Variants in PAG1 observed in about 807,000 individuals in gnomAD.
The protein encoded by PAG1 is phosphoprotein associated with glycosphingolipid-enriched microdomains 1.
PAG1 carries 23 observed loss-of-function variants against 31.7 expected under a neutral mutation model. The observed-to-expected ratio is 0.73, with a 90% CI of 0.52 to 1.03. The LOEUF (loss-of-function observed/expected upper bound fraction) is 1.03. PAG1 is among the 50% of genes least tolerant of loss of function. The probability of loss-of-function intolerance (pLI) is 0.00; values close to 1 mark genes in which losing one functional copy is unlikely to be tolerated. For missense variants in PAG1, 473 were observed against 540.7 expected (o/e 0.87, Z 1.24); for synonymous variants, 214 against 210.3 (o/e 1.02, Z -0.15).
At position 80,985,326 on chromosome 8, in the gene PAG1, T is replaced by A; in HGVS notation, c.326A>T (p.Gln109Leu). ...ATCCAGCAGATCCGAGGCCGATGTCTGGACTTCCTCGTAATGCTGCATGCA... is the reference window on the plus strand; with the variant it reads ...ATCCAGCAGATCCGAGGCCGATGTCAGGACTTCCTCGTAATGCTGCATGCA... ...LTCMQHYEEVQTSASDLLDSQ... is the reference protein window; with the variant it reads ...LTCMQHYEEVLTSASDLLDSQ... Residue 109 changes from glutamine to leucine, a missense_variant, in exon 7 of 9, where the codon CAG (glutamine) becomes CTG (leucine). Coordinates refer to ENST00000220597, the MANE Select transcript of PAG1 (RefSeq NM_018440.4). 1 of 1,614,158 alleles carries A rather than the reference T, an allele frequency of 6.2e-7. No homozygotes were observed. The highest frequency in any genetic ancestry group is 1.1e-5 in the South Asian group (1 of 91,060).
intron 1 of PAG1, among the ~76,000 whole-genome samples, chr8:81,087,061 G>C (rs1809369983): frequency 6.6e-6 from 1 of 151,962 alleles, no homozygotes; most frequent in South Asian, 2.1e-4. Flanking sequence ...AGCTGTAGAA[G>C]CGGCCAGGCG....
chr8:81,042,245 C>T (rs1166542310), intron 2 of PAG1, among the ~76,000 whole-genome samples: 1 of 152,140 alleles, frequency 6.6e-6, no homozygotes, highest in African/African-American at 2.4e-5. Flanking sequence ...AAGGCTCTTG[C>T]CCATTTCTGG....
chr8:81,054,273 T>C (rs973471246), intron 2 of PAG1, among the ~76,000 whole-genome samples: 9 of 152,160 alleles, frequency 5.9e-5, no homozygotes, highest in Non-Finnish European at 1.3e-4. Flanking sequence ...TTCCAAAACG[T>C]TGGCTCTGAT....
At chr8:80,980,559 CAT>C (rs1414214605) in intron 7 of PAG1, 65 bp from the exon 8 acceptor site, 85 of 987,548 alleles carry the variant, frequency 8.6e-5, no homozygotes, top group Admixed American at 4.7e-4. Context: ...TTCTTTTGCA[CAT>C]GTTTCCTCAT....
intron 2 of PAG1, among the ~76,000 whole-genome samples, chr8:81,034,421 C>T (rs146098542): frequency 3.1e-4 from 47 of 152,352 alleles, no homozygotes; most frequent in African/African-American, 1.1e-3. Context: ...CTGCTCATGA[C>T]TGGCATACTG....
At chr8:81,071,162 C>A (rs1193578988) in intron 1 of PAG1, among the ~76,000 whole-genome samples, 2 of 152,156 alleles carry the variant, frequency 1.3e-5, no homozygotes, top group South Asian at 2.1e-4. Context: ...GTCAAGCTGA[C>A]AATAAGCAAG....
intron 1 of PAG1, among the ~76,000 whole-genome samples, chr8:81,108,041 A>G (rs893921071): frequency 2.0e-5 from 3 of 152,252 alleles, no homozygotes; most frequent in African/African-American, 7.2e-5. Context: ...GTCAGAAGAA[A>G]ATTATTCAGA....
At chr8:81,097,804 C>T (rs938562475) in intron 1 of PAG1, among the ~76,000 whole-genome samples, 5 of 152,184 alleles carry the variant, frequency 3.3e-5, no homozygotes, top group Non-Finnish European at 7.3e-5. Context: ...TACCACCTCA[C>T]TCCCATGGGT....
At chr8:81,055,248 C>T (rs7018320) in intron 2 of PAG1, among the ~76,000 whole-genome samples, 43,482 of 151,538 alleles carry the variant, frequency 0.29, 8,344 homozygotes, top group African/African-American at 0.55. Flanking sequence ...TTTTTTTTTA[C>T]AGAGACATGG....
intron 2 of PAG1, among the ~76,000 whole-genome samples, chr8:81,048,529 C>A (rs551218245): frequency 1.3e-5 from 2 of 152,124 alleles, no homozygotes; most frequent in Non-Finnish European, 2.9e-5. Flanking sequence ...AGAGGCCTGC[C>A]CCAGCCGCTG....
At chr8:81,105,410 C>A (rs11989764) in intron 1 of PAG1, among the ~76,000 whole-genome samples, 4 of 152,154 alleles carry the variant, frequency 2.6e-5, no homozygotes, top group Non-Finnish European at 5.9e-5. Flanking sequence ...AAAACACAGA[C>A]AAGCTGCTAG....
chr8:81,062,680 A>G (rs1360532335), intron 2 of PAG1, among the ~76,000 whole-genome samples: 1 of 142,542 alleles, frequency 7.0e-6, no homozygotes, highest in Non-Finnish European at 1.6e-5. Flanking sequence ...TATCCTCTCA[A>G]CAGAAATCTT....
At chr8:81,019,680 T>C (rs574377277) in intron 3 of PAG1, among the ~76,000 whole-genome samples, 1 of 152,350 alleles carries the variant, frequency 6.6e-6, no homozygotes, top group South Asian at 2.1e-4. Flanking sequence ...TAGGCAGAAG[T>C]TTGCTGCAGG....
At chr8:81,008,897 TTTATC>T (rs1462471551) in intron 3 of PAG1, among the ~76,000 whole-genome samples, 1 of 152,202 alleles carries the variant, frequency 6.6e-6, no homozygotes, top group Non-Finnish European at 1.5e-5. Flanking sequence ...ATTATCTTGA[TTTATC>T]TGAATTTCTC....
At chr8:81,072,080 G>A (rs536045866) in intron 1 of PAG1, among the ~76,000 whole-genome samples, 60 of 152,346 alleles carry the variant, frequency 3.9e-4, no homozygotes, top group African/African-American at 1.3e-3. Flanking sequence ...ACTCACCAGC[G>A]TAGGTGAAGA....
intron 3 of PAG1, among the ~76,000 whole-genome samples, chr8:81,007,679 A>G (rs1479671342): frequency 6.6e-6 from 1 of 151,136 alleles, no homozygotes; most frequent in Non-Finnish European, 1.5e-5. Context: ...AAAATAAAAC[A>G]CGGGAGCTTG....
At chr8:80,980,560 A>G in intron 7 of PAG1, 66 bp from the exon 8 acceptor site, 5 of 988,980 alleles carry the variant, frequency 5.1e-6, no homozygotes, top group Admixed American at 1.9e-5. Flanking sequence ...TCTTTTGCAC[A>G]TGTTTCCTCA....
intron 1 of PAG1, among the ~76,000 whole-genome samples, chr8:81,085,875 A>G (rs1809342791): frequency 6.6e-6 from 1 of 151,080 alleles, no homozygotes; most frequent in Non-Finnish European, 1.5e-5. Flanking sequence ...TTAATGTTAT[A>G]GCATGCATTT....
intron 1 of PAG1, among the ~76,000 whole-genome samples, chr8:81,081,810 T>A (rs1809270822): frequency 6.6e-6 from 1 of 152,244 alleles, no homozygotes; most frequent in South Asian, 2.1e-4. Context: ...TACCGGTTTG[T>A]TCAGCCACTC....
Sources: gnomAD v4.1 joint callset for allele counts (sites outside exome capture counted in the v4.1 genomes callset) on GRCh38, gnomAD v4.1.1 for gene constraint, MANE v1.5 for transcripts, NCBI Gene and HGNC (gene_info 2026-07-23, HGNC 2026-07-21) for gene names.